ME3: variants seen among roughly 807,000 people sequenced by gnomAD.
The protein encoded by ME3 is NADP-dependent malic enzyme, mitochondrial.
ME3 carries 48 observed loss-of-function variants against 68.9 expected under a neutral mutation model. That is an observed-to-expected ratio of 0.70 (90% confidence interval 0.55 to 0.89). The LOEUF (loss-of-function observed/expected upper bound fraction) is 0.89. ME3 is among the 40% of genes least tolerant of loss of function. The pLI is 0.00. For synonymous variants in ME3, 320 were observed against 318.8 expected, an observed-to-expected ratio of 1.00 and a Z score of -0.04; for missense variants, 675 against 797.4, an observed-to-expected ratio of 0.85 and a Z score of 1.85.
chr11:86,558,608 C>T (rs367572329), intron 3 of ME3, among the ~76,000 whole-genome samples: 54 of 152,246 alleles, frequency 3.5e-4, no homozygotes, highest in African/African-American at 1.2e-3. Context: ...CTCAGGGACC[C>T]GAAGTCTTGG....
chr11:86,601,361 G>A (rs1388626617), intron 2 of ME3, among the ~76,000 whole-genome samples: 2 of 152,188 alleles, frequency 1.3e-5, no homozygotes, highest in African/African-American at 4.8e-5. Context: ...AGAAGAAATG[G>A]ATAAATTCCT....
intron 4 of ME3, among the ~76,000 whole-genome samples, chr11:86,548,243 T>A (rs1487668638): frequency 6.6e-6 from 1 of 152,238 alleles, no homozygotes; most frequent in Non-Finnish European, 1.5e-5. Flanking sequence ...CCTCAGTGAT[T>A]GAACTCTGTA....
At position 86,537,134 on chromosome 11, in the gene ME3, T is replaced by G. The variant is rs866875105; in HGVS notation, c.467+19419A>C. 6.0e-3 allele frequency among the ~76,000 whole-genome samples: 777 copies of G among 128,652 alleles called. 9 individuals carry two copies. Among genetic ancestry groups the G allele is most frequent in the African/African-American group, 0.02 (662 of 33,442 alleles). The allele number at this position is 128,652 out of a possible 152,430, so 84.4% of individuals were successfully genotyped here. On this transcript the variant is annotated intron_variant, in intron 4 of 14. Coordinates refer to ENST00000543262, the Ensembl canonical transcript of ME3. ...GGGAATATCACACTCTGGGGACTGT[T>G]GTGGGGTGGGGGGATGGGGGAGGGA...
intron 4 of ME3, among the ~76,000 whole-genome samples, chr11:86,529,022 G>C (rs997566138): frequency 3.3e-5 from 5 of 151,218 alleles, no homozygotes; most frequent in Non-Finnish European, 7.4e-5. Context: ...TGAACTGAAG[G>C]AGAGAGAGAC....
intron 2 of ME3, among the ~76,000 whole-genome samples, chr11:86,661,990 A>T (rs1157207337): frequency 6.6e-6 from 1 of 152,232 alleles, no homozygotes; most frequent in Non-Finnish European, 1.5e-5. Flanking sequence ...ACAAAGTTAA[A>T]GGGAGAGAAA....
chr11:86,531,758 T>G (rs1271217200), intron 4 of ME3, among the ~76,000 whole-genome samples: 1 of 135,918 alleles, frequency 7.4e-6, no homozygotes, highest in Non-Finnish European at 1.5e-5. Flanking sequence ...TTCTCACTCA[T>G]AGGTGGGAAT....
At chr11:86,462,678 C>T in intron 8 of ME3, 1 of 1,037,912 alleles carries the variant, frequency 9.6e-7, no homozygotes, top group Non-Finnish European at 1.3e-6. Context: ...GTGCTGGGAG[C>T]TGGGGAACAA....
chr11:86,488,391 C>T (rs1951815594), intron 6 of ME3, among the ~76,000 whole-genome samples: 1 of 152,064 alleles, frequency 6.6e-6, no homozygotes, highest in South Asian at 2.1e-4. Context: ...CCCCCTTCCT[C>T]TCTTACTTCT....
chr11:86,641,037 G>T (rs935086075), intron 2 of ME3, among the ~76,000 whole-genome samples: 5 of 15,898 alleles, frequency 3.1e-4, no homozygotes, highest in African/African-American at 5.6e-4. Flanking sequence ...CAATTTCACT[G>T]GGGGGGGGGG....
At chr11:86,566,823 T>C (rs1957503966) in intron 2 of ME3, among the ~76,000 whole-genome samples, 1 of 152,182 alleles carries the variant, frequency 6.6e-6, no homozygotes, top group Non-Finnish European at 1.5e-5. Flanking sequence ...AAACCATTTG[T>C]ATTCTTGCCA....
At chr11:86,609,168 C>CA (rs1942378587) in intron 2 of ME3, among the ~76,000 whole-genome samples, 2 of 152,202 alleles carry the variant, frequency 1.3e-5, no homozygotes, top group African/African-American at 4.8e-5. Flanking sequence ...GGTTTATTCT[C>CA]TTAAACACAA....
intron 2 of ME3, among the ~76,000 whole-genome samples, chr11:86,610,120 G>A (rs1237555765): frequency 1.3e-5 from 2 of 152,236 alleles, no homozygotes; most frequent in East Asian, 1.9e-4. Context: ...GCCTCCATGT[G>A]TAGTAGAAGT....
intron 2 of ME3, among the ~76,000 whole-genome samples, chr11:86,640,685 G>T (rs1944612601): frequency 6.6e-6 from 1 of 152,194 alleles, no homozygotes; most frequent in African/African-American, 2.4e-5. Flanking sequence ...TGCAGATCTT[G>T]ATCCTCATTC....
rs1471153704 is a variant in ME3, at chr11:86,562,672, A to T, written c.184-2849T>A. Among the ~76,000 whole-genome samples, 4 of 152,072 alleles carry T rather than the reference A, an allele frequency of 2.6e-5. 1 individual carries two copies. Among genetic ancestry groups the T allele is most frequent in the Admixed American group, 2.0e-4 (3 of 15,266 alleles). Reference sequence around the variant, plus strand: ...TGAGTATCTTTTCTTTTTTTCCCTTAAATTTCAGCCTTTATTTTAGATACA... The same window carrying T: ...TGAGTATCTTTTCTTTTTTTCCCTTTAATTTCAGCCTTTATTTTAGATACA... On this transcript the variant is annotated intron_variant, in intron 2 of 14. Transcript: ENST00000543262.
chr11:86,464,006 A>C, intron 8 of ME3: 1 of 364,528 alleles, frequency 2.7e-6, no homozygotes, highest in South Asian at 2.1e-5. Context: ...TGCCCGACAT[A>C]CAATAAGCGT....
intron 2 of ME3, among the ~76,000 whole-genome samples, chr11:86,585,334 G>A (rs1025709565): frequency 2.0e-5 from 3 of 152,240 alleles, no homozygotes; most frequent in African/African-American, 7.2e-5. Flanking sequence ...GTCCAGTTAA[G>A]AGGCAATGGT....
rs1555221578 is a variant in ME3, at chr11:86,521,431, A to AAATAATAATAAT, written c.468-12576_468-12565dup. Reference sequence around the variant, plus strand: ...AACAAAACAAAACAAAACAAAACAAAAATAATAATAATAATAATAATAAAA... The same window carrying AAATAATAATAAT: ...AACAAAACAAAACAAAACAAAACAAAAATAATAATAATAATAATAATAATAATAATAATAAAA... On this transcript the variant is annotated intron_variant, in intron 4 of 14. Coordinates refer to ENST00000543262, the Ensembl canonical transcript of ME3. Among the ~76,000 whole-genome samples, 18 of 145,996 alleles carry AAATAATAATAAT rather than the reference A, an allele frequency of 1.2e-4. 1 individual carries two copies. The highest frequency in any genetic ancestry group is 4.6e-4 in the African/African-American group (18 of 38,930).
chr11:86,650,105 C>T (rs1945299972), intron 2 of ME3, among the ~76,000 whole-genome samples: 1 of 152,144 alleles, frequency 6.6e-6, no homozygotes, highest in Non-Finnish European at 1.5e-5. Context: ...GGTACCAAAA[C>T]AGATATATAG....
intron 5 of ME3, among the ~76,000 whole-genome samples, chr11:86,501,304 G>A (rs186534330): frequency 1.3e-5 from 2 of 152,224 alleles, no homozygotes; most frequent in Non-Finnish European, 2.9e-5. Context: ...TCTTATGACT[G>A]TAATGATGAT....
Sources: gnomAD v4.1 joint callset for allele counts (sites outside exome capture counted in the v4.1 genomes callset) on GRCh38, gnomAD v4.1.1 for gene constraint, MANE v1.5 for transcripts, NCBI Gene and HGNC (gene_info 2026-07-23, HGNC 2026-07-21) for gene names.